The following TXNRD2 variants were observed in gnomAD, a reference collection of about 807,000 sequenced individuals.
The protein encoded by TXNRD2 is thioredoxin reductase 2, mitochondrial.
TXNRD2 carries 67 observed loss-of-function variants against 70.8 expected under a neutral mutation model. That is an observed-to-expected ratio of 0.95 (90% CI 0.78 to 1.16). The LOEUF (loss-of-function observed/expected upper bound fraction) is 1.16. Among genes scored for constraint, TXNRD2 ranks in the 50% most tolerant of loss-of-function variants. The pLI, the probability that TXNRD2 is intolerant of heterozygous loss-of-function variation, is 0.00. For missense variants in TXNRD2, 644 were observed against 719.9 expected (o/e 0.89, Z 1.21); for synonymous variants, 301 against 295.8 (o/e 1.02, Z -0.18).
chr22:19,929,772 C>T (rs1027619263), intron 2 of TXNRD2, among the ~76,000 whole-genome samples: 4 of 152,084 alleles, frequency 2.6e-5, no homozygotes, highest in Admixed American at 6.6e-5. Flanking sequence ...AGGACACACT[C>T]GCCAATCTTG....
rs571090826 is a variant in TXNRD2, at chr22:19,931,294, C to T, written c.104-196G>A. ...CCAAGCCATATGGTGGTGAGGTTGG[C>T]CGTGGGCGTGTGTGATCATCTTTGC... On this transcript the variant is annotated intron_variant, in intron 1 of 17. Transcript: ENST00000400521. 1.8e-3 allele frequency among the ~76,000 whole-genome samples: 269 copies of T among 152,322 alleles called. 1 individual carries two copies. Among genetic ancestry groups the T allele is most frequent in the African/African-American group, 6.1e-3 (255 of 41,564 alleles).
intron 1 of TXNRD2, among the ~76,000 whole-genome samples, chr22:19,940,308 A>T (rs866302160): frequency 1.6e-4 from 24 of 150,762 alleles, no homozygotes; most frequent in Admixed American, 6.0e-4. Flanking sequence ...CAGACTGGGC[A>T]CGAAAGGGCT....
At chr22:19,898,488 G>A (rs1191517515) in intron 9 of TXNRD2, among the ~76,000 whole-genome samples, 2 of 149,818 alleles carry the variant, frequency 1.3e-5, no homozygotes, top group East Asian at 3.9e-4. Flanking sequence ...TTCCACCTGT[G>A]CTCTCAGCCA....
intron 12 of TXNRD2, among the ~76,000 whole-genome samples, chr22:19,881,567 G>A (rs940646069): frequency 6.6e-6 from 1 of 152,236 alleles, no homozygotes; most frequent in Non-Finnish European, 1.5e-5. Flanking sequence ...GAATGCCTTT[G>A]TGTGCGCCAT....
intron 7 of TXNRD2, among the ~76,000 whole-genome samples, chr22:19,914,346 CAT>C (rs1051000269): frequency 1.1e-4 from 17 of 152,352 alleles, no homozygotes; most frequent in African/African-American, 2.2e-4. Context: ...GGAAATAACA[CAT>C]GTGTTTATCC....
chr22:19,881,770 A>G (rs1413834658), intron 12 of TXNRD2, among the ~76,000 whole-genome samples: 1 of 152,196 alleles, frequency 6.6e-6, no homozygotes, highest in Non-Finnish European at 1.5e-5. Context: ...AGACCACTGC[A>G]CCTACATGGT....
chr22:19,887,694 A>G (rs552520976), intron 11 of TXNRD2: 12 of 152,458 alleles, frequency 7.9e-5, no homozygotes, highest in African/African-American at 2.9e-4. Context: ...AACCAGGAAG[A>G]CTTACATGAA....
chr22:19,932,392 C>T, intron 1 of TXNRD2: 1 of 1,612,680 alleles, frequency 6.2e-7, no homozygotes, highest in South Asian at 1.1e-5. Context: ...CACATAGTGC[C>T]ACTCTCAGCC....
At chr22:19,927,651 CAAAAAAAA>C (rs149665821) in intron 2 of TXNRD2, among the ~76,000 whole-genome samples, 1 of 68,410 alleles carries the variant, frequency 1.5e-5, no homozygotes, top group Non-Finnish European at 2.8e-5. Flanking sequence ...GACCTTGTCT[CAAAAAAAA>C]AAAAAAAAAA....
chr22:19,905,339 T>A (rs1939961609), intron 8 of TXNRD2, among the ~76,000 whole-genome samples: 1 of 152,166 alleles, frequency 6.6e-6, no homozygotes, highest in Non-Finnish European at 1.5e-5. Flanking sequence ...ATCTTCTAAA[T>A]GTTTTTTTTC....
intron 2 of TXNRD2, among the ~76,000 whole-genome samples, chr22:19,925,076 A>G (rs759982855): frequency 1.5e-4 from 23 of 151,062 alleles, no homozygotes; most frequent in Non-Finnish European, 2.9e-4. Flanking sequence ...CAAGGTCAGG[A>G]GATCGAGACC....
intron 11 of TXNRD2, chr22:19,895,028 T>C: frequency 6.5e-6 from 10 of 1,545,194 alleles, no homozygotes; most frequent in Non-Finnish European, 8.7e-6. Flanking sequence ...AGGTGACAAG[T>C]AGGATTTATG....
At position 19,878,352 on chromosome 22, in the gene TXNRD2, A is replaced by G. The variant is rs749747953; in HGVS notation, c.1347+14T>C. ...CCTCTCATCCTCAGCACCCTGGGCC[A>G]CAGGGATGCTCACCTTTACATAACA... On this transcript the variant is annotated intron_variant, in intron 15 of 17. Transcript: ENST00000400521. 3 of 1,613,648 alleles carry G rather than the reference A, an allele frequency of 1.9e-6. No homozygotes were observed. Among genetic ancestry groups the G allele is most frequent in the Non-Finnish European group, 1.7e-6 (2 of 1,179,914 alleles).
intron 1 of TXNRD2, among the ~76,000 whole-genome samples, chr22:19,935,147 G>A (rs964519017): frequency 1.3e-5 from 2 of 152,192 alleles, no homozygotes; most frequent in African/African-American, 4.8e-5. Context: ...ATAAATGGAC[G>A]TGCAAGTAGG....
chr22:19,885,429 A>G (rs1203959554), intron 11 of TXNRD2, among the ~76,000 whole-genome samples: 1 of 152,306 alleles, frequency 6.6e-6, no homozygotes, highest in Non-Finnish European at 1.5e-5. Context: ...GAGTCAAAAC[A>G]TACCAACTTG....
intron 11 of TXNRD2, among the ~76,000 whole-genome samples, chr22:19,889,335 G>A (rs994319864): frequency 2.6e-5 from 4 of 152,228 alleles, no homozygotes; most frequent in East Asian, 1.9e-4. Flanking sequence ...TTATTAGACC[G>A]GGTGCAGTGG....
chr22:19,897,359 C>T (rs973609989), intron 10 of TXNRD2, among the ~76,000 whole-genome samples: 3 of 152,214 alleles, frequency 2.0e-5, no homozygotes, highest in Admixed American at 2.0e-4. Context: ...GGGCCTCCTT[C>T]GTGGCAGTCA....
At chr22:19,927,971 C>T (rs1941214867) in intron 2 of TXNRD2, among the ~76,000 whole-genome samples, 1 of 151,960 alleles carries the variant, frequency 6.6e-6, no homozygotes, top group Non-Finnish European at 1.5e-5. Context: ...AAGACGTAGA[C>T]ATTGAAAACC....
chr22:19,935,782 G>A (rs184253748), intron 1 of TXNRD2, among the ~76,000 whole-genome samples: 22 of 152,140 alleles, frequency 1.4e-4, no homozygotes, highest in Admixed American at 7.9e-4. Flanking sequence ...AATATCTGGC[G>A]CCCAACGTGG....
Sources: allele counts gnomAD v4.1 joint callset (sites outside exome capture counted in the v4.1 genomes callset), GRCh38; gene constraint gnomAD v4.1.1; transcripts MANE v1.5; gene names NCBI Gene and HGNC (gene_info 2026-07-23, HGNC 2026-07-21).